Variants in TMEM87A observed in about 807,000 individuals in gnomAD.
TMEM87A encodes the protein transmembrane protein 87A, also known as Golgi-pH regulating cation channel.
In TMEM87A, 50 loss-of-function variants were observed where a neutral mutation model predicts 90.0. The observed-to-expected ratio is 0.56, with a 90% confidence interval of 0.44 to 0.70. The LOEUF is 0.70. TMEM87A is among the 30% of genes least tolerant of loss of function. The probability of loss-of-function intolerance (pLI) is 0.00; values close to 1 mark genes in which losing one functional copy is unlikely to be tolerated. For missense variants in TMEM87A, 577 were observed against 660.5 expected (o/e 0.87, Z 1.39); for synonymous variants, 226 against 226.7 (o/e 1.00, Z 0.03).
chr15:42,243,195 G>A (rs1418432088), intron 7 of TMEM87A, among the ~76,000 whole-genome samples: 4 of 151,974 alleles, frequency 2.6e-5, no homozygotes. Context: ...GTGAACCCAG[G>A]AGGCGGAGCT....
Position 42,233,325 on chromosome 15 carries a change from GAT to G in TMEM87A, c.969-21_969-20del. On this transcript the variant is annotated intron_variant, in intron 10 of 19. Coordinates refer to ENST00000389834, the MANE Select transcript of TMEM87A (RefSeq NM_015497.5). ...GCGTGGCCTAAAGAGGAAGCAAGGA[GAT>G]ATTTGAGTACATATGGGACAAATGC... 6.3e-7 allele frequency: 1 copy of G among 1,597,286 alleles called. No homozygotes were observed. Among genetic ancestry groups the G allele is most frequent in the Admixed American group, 1.7e-5 (1 of 59,706 alleles).
intron 11 of TMEM87A, chr15:42,231,776 A>C (rs2050689274): frequency 1.4e-6 from 1 of 720,718 alleles, no homozygotes; most frequent in South Asian, 2.3e-5. Flanking sequence ...TGTTTCCAGG[A>C]GTTTATATAG....
At chr15:42,230,042 T>G (rs1215409117) in intron 12 of TMEM87A, among the ~76,000 whole-genome samples, 1 of 152,164 alleles carries the variant, frequency 6.6e-6, no homozygotes, top group Non-Finnish European at 1.5e-5. Flanking sequence ...CCCAGGCTGG[T>G]CTCAAACTCC....
rs1471817773 is a variant in TMEM87A at position 42,236,357 on chromosome 15, G to C, written c.931C>G (p.Leu311Val). Reference protein sequence around the residue: ...SAVKRSLARTLVIIVSLGYGI... With the variant: ...SAVKRSLARTVVIIVSLGYGI... ...TATCCCAGACTGACTATGATGACCA[G>C]GGTTCGAGCCAGTGAGCGTTTCACT... is the stretch of plus-strand genomic sequence containing the variant. The change falls in exon 10 of 20, where the codon CTG becomes GTG. Residue 311 changes from leucine to valine, a missense_variant. By Grantham distance (32) the Leu-to-Val change is conservative. Transcript: ENST00000389834. 9.3e-6 allele frequency: 15 copies of C among 1,613,956 alleles called. 1 individual carries two copies. The highest frequency in any genetic ancestry group is 1.3e-5 in the Non-Finnish European group (15 of 1,179,974).
At chr15:42,219,529 AG>A in intron 17 of TMEM87A, 51 bp downstream of exon 17, 1 of 1,409,180 alleles carries the variant, frequency 7.1e-7, no homozygotes. Context: ...AGTTCTACTA[AG>A]GGTTGGAAGA....
chr15:42,240,072 C>G (rs2050842319), intron 7 of TMEM87A, among the ~76,000 whole-genome samples: 1 of 152,202 alleles, frequency 6.6e-6, no homozygotes. Flanking sequence ...TCTACACATA[C>G]TCTAAATTCT....
At chr15:42,227,093 T>C in intron 14 of TMEM87A, 184 bp from the exon 15 acceptor site, 2 of 578,720 alleles carry the variant, frequency 3.5e-6, no homozygotes, top group Non-Finnish European at 6.1e-6. Context: ...GTTTTTGCCC[T>C]TGTAGTGCTT....
chr15:42,265,048 T>C (rs1420195782), intron 3 of TMEM87A, among the ~76,000 whole-genome samples: 2 of 152,206 alleles, frequency 1.3e-5, no homozygotes, highest in African/African-American at 4.8e-5. Context: ...TTTTTTATGG[T>C]TGCATATGTA....
At chr15:42,234,449 C>G (rs896741747) in intron 10 of TMEM87A, among the ~76,000 whole-genome samples, 4 of 152,090 alleles carry the variant, frequency 2.6e-5, no homozygotes, top group African/African-American at 9.7e-5. Context: ...GGAATTTTCT[C>G]CCCATTCATC....
In TMEM87A at chr15:42,217,791, T is replaced by C. The variant is rs749313242; in HGVS notation, c.1626+12A>G. The C allele has an allele frequency of 2.5e-6, 4 of 1,611,972 alleles. No individual in the cohort carries two copies. Among genetic ancestry groups the C allele is most frequent in the South Asian group, 1.1e-5 (1 of 90,572 alleles). On this transcript the variant is annotated intron_variant, in intron 19 of 19. Coordinates refer to ENST00000389834, the MANE Select transcript of TMEM87A (RefSeq NM_015497.5). ...CATATACATAATTTATGCACGTGAA[T>C]TGAGTACCAACCTCATCTGAATCCA...
At chr15:42,227,965 C>T (rs1365948629) in intron 13 of TMEM87A, among the ~76,000 whole-genome samples, 196 bp from the exon 14 acceptor site, 2 of 152,176 alleles carry the variant, frequency 1.3e-5, no homozygotes. Flanking sequence ...ATGATACATA[C>T]TCTGGCCAAT....
At chr15:42,227,641 T>C in intron 14 of TMEM87A, 70 bp downstream of exon 14, 1 of 1,425,574 alleles carries the variant, frequency 7.0e-7, no homozygotes, top group Non-Finnish European at 9.9e-7. Context: ...AGAAGAACCT[T>C]ACCACTGTCA....
chr15:42,271,765 GA>G (rs1396261770), intron 2 of TMEM87A, among the ~76,000 whole-genome samples: 1 of 151,186 alleles, frequency 6.6e-6, no homozygotes, highest in East Asian at 1.9e-4. Flanking sequence ...AGATGTGACT[GA>G]ATATTCAATG....
At chr15:42,229,888 C>T (rs1453267959) in intron 12 of TMEM87A, among the ~76,000 whole-genome samples, 2 of 152,148 alleles carry the variant, frequency 1.3e-5, no homozygotes, top group South Asian at 2.1e-4. Context: ...TGCAGCGGTG[C>T]GATCTCGGCT....
chr15:42,212,845 T>G (rs1294180877), intron 19 of TMEM87A, among the ~76,000 whole-genome samples: 1 of 152,220 alleles, frequency 6.6e-6, no homozygotes, highest in Non-Finnish European at 1.5e-5. Context: ...TGTAAATTGT[T>G]TCTCCTGTAA....
intron 2 of TMEM87A, among the ~76,000 whole-genome samples, chr15:42,270,240 C>T (rs916164184): frequency 1.3e-5 from 2 of 150,226 alleles, no homozygotes; most frequent in East Asian, 4.0e-4. Flanking sequence ...CGTGGTGGCA[C>T]GCGCCTATAG....
intron 9 of TMEM87A, 105 bp downstream of exon 9, chr15:42,237,327 G>T: frequency 9.4e-7 from 1 of 1,063,954 alleles, no homozygotes; most frequent in Non-Finnish European, 1.3e-6. Context: ...TAATAATTAA[G>T]TAATTGAAAA....
At position 42,242,066 on chromosome 15, in the gene TMEM87A, CA is replaced by C. The variant is rs570009857; in HGVS notation, c.622+1983del. On this transcript the variant is annotated intron_variant, in intron 7 of 19. Transcript: ENST00000389834. The stretch of plus-strand genomic sequence containing the variant: ...TGGGTGACAGAGTGAGACTCTATCT[CA>C]AAAAAAAAAAGAAAAAAAAAAAGAA... Among the ~76,000 whole-genome samples the C allele has an allele frequency of 1.1e-3, 61 of 57,790 alleles. No individual in the cohort carries two copies. In the East Asian group the frequency reaches 0.015, roughly 14 times the overall value. The allele number at this position is 57,790 out of a possible 152,430, so 37.9% of individuals were successfully genotyped here. A position where few individuals can be genotyped will look rare whatever the true frequency, so the allele number is the denominator to read the frequency against.
intron 6 of TMEM87A, among the ~76,000 whole-genome samples, chr15:42,246,289 C>T (rs2050970127): frequency 6.6e-6 from 1 of 151,942 alleles, no homozygotes; most frequent in East Asian, 1.9e-4. Context: ...AGTACTGAGA[C>T]CCAAGTTTTG....
Sources: gnomAD v4.1 joint callset for allele counts (sites outside exome capture counted in the v4.1 genomes callset) on GRCh38, gnomAD v4.1.1 for gene constraint, MANE v1.5 for transcripts, NCBI Gene and HGNC (gene_info 2026-07-23, HGNC 2026-07-21) for gene names.